The following ARHGAP39 variants were observed in gnomAD, a reference collection of about 807,000 sequenced individuals.
ARHGAP39 encodes Rho GTPase activating protein 39.
In ARHGAP39, 44 loss-of-function variants were observed where a neutral mutation model predicts 106.9. The observed-to-expected ratio is 0.41, with a 90% CI of 0.32 to 0.53. ARHGAP39 has a LOEUF of 0.53. ARHGAP39 is among the 20% of genes least tolerant of loss of function. The pLI is 0.21. For synonymous variants in ARHGAP39, 768 were observed against 693.2 expected, an observed-to-expected ratio of 1.11 and a Z score of -1.69; for missense variants, 1,496 against 1,577.3, an observed-to-expected ratio of 0.95 and a Z score of 0.87.
At position 144,633,373 on chromosome 8, in the gene ARHGAP39, C is replaced by T. The variant is rs549093821; in HGVS notation, c.-81-27678G>A. Among the ~76,000 whole-genome samples, 6 of 151,958 alleles carry T rather than the reference C, an allele frequency of 3.9e-5. No individual in the cohort carries two copies. The East Asian group carries it at 7.8e-4, about 20-fold the overall frequency. On this transcript the variant is annotated intron_variant, in intron 1 of 11. Transcript: ENST00000377307. ...ACTTGGGAGGCTGAGGCAGGAGAAT[C>T]GCTTGAACCTGGGAGGCAGAGATTG...
chr8:144,546,630 C>T (rs1216761258), intron 5 of ARHGAP39, among the ~76,000 whole-genome samples: 1 of 152,224 alleles, frequency 6.6e-6, no homozygotes, highest in Non-Finnish European at 1.5e-5. Context: ...AGATGGGGAA[C>T]GTGCCAGAGG....
chr8:144,603,025 C>T (rs1378343723), intron 2 of ARHGAP39, among the ~76,000 whole-genome samples: 1 of 109,466 alleles, frequency 9.1e-6, no homozygotes, highest in Non-Finnish European at 1.7e-5. Context: ...GCTCATGTAT[C>T]TGTGTGCGTG....
chr8:144,682,275 C>T (rs1485247660), intron 1 of ARHGAP39, among the ~76,000 whole-genome samples: 27 of 100,282 alleles, frequency 2.7e-4, no homozygotes, highest in Admixed American at 3.3e-4. Flanking sequence ...AAAGGCCGGG[C>T]GCGGTGGCTC....
intron 1 of ARHGAP39, among the ~76,000 whole-genome samples, chr8:144,621,018 C>T (rs73377673): frequency 0.014 from 2,121 of 152,398 alleles, 18 homozygotes; most frequent in African/African-American, 0.026. Context: ...GCAGGAGGCA[C>T]ATGGTTGGAG....
At chr8:144,593,185 A>G (rs1412643041) in intron 2 of ARHGAP39, among the ~76,000 whole-genome samples, 1 of 152,176 alleles carries the variant, frequency 6.6e-6, no homozygotes, top group Non-Finnish European at 1.5e-5. Flanking sequence ...CTGTTTGCAC[A>G]CAGCGATCAG....
In ARHGAP39 at chr8:144,547,244, G is replaced by A. The variant is rs755091374; in HGVS notation, c.1842C>T (p.Asn614=). 6.2e-6 allele frequency: 10 copies of A among 1,612,654 alleles called. No individual in the cohort carries two copies. Among genetic ancestry groups the A allele is most frequent in the Non-Finnish European group, 8.5e-6 (10 of 1,179,814 alleles). Residue 614 remains asparagine (N), a synonymous_variant, in exon 5 of 12, where the codon AAC becomes AAT. Coordinates refer to ENST00000377307, the MANE Select transcript of ARHGAP39 (RefSeq NM_025251.3). The surrounding 1 kb of genome is among the most constrained non-coding windows in gnomAD (Gnocchi z 5.2). ...SEDEALAQQE[N]RHWRRGTFEK... ...CGAAGGTGCCCCTCCTCCAGTGCCT[G>A]TTCTCCTGCTGGGCCAGCGCCTCGT...
At chr8:144,559,257 T>C (rs1410057953) in intron 3 of ARHGAP39, among the ~76,000 whole-genome samples, 1 of 146,718 alleles carries the variant, frequency 6.8e-6, no homozygotes, top group African/African-American at 2.5e-5. Flanking sequence ...GACACATGCC[T>C]GTGGTCACAG....
At chr8:144,602,744 G>A (rs1482681868) in intron 2 of ARHGAP39, among the ~76,000 whole-genome samples, 3 of 145,770 alleles carry the variant, frequency 2.1e-5, no homozygotes, top group South Asian at 2.2e-4. Context: ...GTGCATGGAG[G>A]CGTGTGTGTG....
rs761023955 is a variant in ARHGAP39, at chr8:144,581,265, C to T, written c.93G>A (p.Val31=). ...CGCGGGTGCGCGGTTCGATGATCTC[C>T]ACCCACTCCAACCTGGGGAGAGACA... ...IPGSNTRLEW[V]EIIEPRTRER... The change falls in exon 3 of 12, where the codon GTG becomes GTA. Residue 31 remains valine, a synonymous_variant. Transcript: ENST00000377307. 6.5e-7 allele frequency: 1 copy of T among 1,548,040 alleles called. No individual in the cohort carries two copies. The highest frequency in any genetic ancestry group is 1.4e-5 in the African/African-American group (1 of 73,200).
At chr8:144,589,764 C>T (rs530439420) in intron 2 of ARHGAP39, among the ~76,000 whole-genome samples, 1 of 152,220 alleles carries the variant, frequency 6.6e-6, no homozygotes. Context: ...AGGCCTCCCA[C>T]GACTCTGCCT....
At chr8:144,678,672 T>C (rs2129755369) in intron 1 of ARHGAP39, among the ~76,000 whole-genome samples, 1 of 152,322 alleles carries the variant, frequency 6.6e-6, no homozygotes, top group East Asian at 1.9e-4. Flanking sequence ...CCTGGCGCCA[T>C]CCTGTGCACT....
chr8:144,543,647 C>T (rs749412408), intron 6 of ARHGAP39, among the ~76,000 whole-genome samples: 4 of 152,232 alleles, frequency 2.6e-5, no homozygotes, highest in Non-Finnish European at 5.9e-5. Context: ...AGCCTGATTC[C>T]TTTTTCCATG....
chr8:144,668,971 A>G (rs1268163940), intron 1 of ARHGAP39, among the ~76,000 whole-genome samples: 1 of 152,102 alleles, frequency 6.6e-6, no homozygotes, highest in African/African-American at 2.4e-5. Context: ...GGACAGATAC[A>G]CAGGACAACA....
upstream of ARHGAP39, among the ~76,000 whole-genome samples, chr8:144,686,636 G>A (rs886400469): frequency 2.0e-5 from 3 of 152,188 alleles, no homozygotes; most frequent in African/African-American, 7.2e-5. Flanking sequence ...CAGTCGCCTT[G>A]CAGGGACTCT....
Position 144,550,820 on chromosome 8 carries a change from G to A in ARHGAP39, c.597-2331C>T, listed in dbSNP as rs548254644. On this transcript the variant is annotated intron_variant, in intron 4 of 11. Transcript: ENST00000377307. ...ATCAAACCCTGAGGGCCAGCTGTGG[G>A]GTCAACCCCTCCATGGCCTGGGGAC... 4.6e-5 allele frequency among the ~76,000 whole-genome samples: 7 copies of A among 152,366 alleles called. No individual in the cohort carries two copies. In the East Asian group the frequency reaches 1.2e-3, roughly 25 times the overall value.
chr8:144,552,043 C>CT (rs1817713117), intron 4 of ARHGAP39, among the ~76,000 whole-genome samples: 1 of 152,368 alleles, frequency 6.6e-6, no homozygotes, highest in African/African-American at 2.4e-5. Context: ...GAGAGACCAT[C>CT]TCCCCCATCT....
rs539996778 is a variant in ARHGAP39 at position 144,671,028 on chromosome 8, G to C, written c.-82+14658C>G. Among the ~76,000 whole-genome samples the C allele has an allele frequency of 2.6e-5, 4 of 152,286 alleles. No individual in the cohort carries two copies. Among genetic ancestry groups the C allele is most frequent in the Non-Finnish European group, 1.5e-5 (1 of 68,016 alleles). On this transcript the variant is annotated intron_variant, in intron 1 of 11. Coordinates refer to ENST00000377307, the MANE Select transcript of ARHGAP39 (RefSeq NM_025251.3). The surrounding 1 kb of genome is among the most constrained non-coding windows in gnomAD (Gnocchi z 4.5). ...CATGTGCTCACACTCAGGACACACA[G>C]TGCTGCCAAGCCTCAGGGCCGCCAA...
intron 1 of ARHGAP39, among the ~76,000 whole-genome samples, chr8:144,629,781 G>A (rs1196774626): frequency 3.9e-5 from 6 of 152,134 alleles, no homozygotes; most frequent in East Asian, 3.9e-4. Flanking sequence ...GGAGGAGGGC[G>A]CTGGGTGGTG....
chr8:144,568,017 G>A (rs893547569), intron 3 of ARHGAP39, among the ~76,000 whole-genome samples: 13 of 151,918 alleles, frequency 8.6e-5, no homozygotes, highest in African/African-American at 2.4e-4. Flanking sequence ...TCTCGTCTCC[G>A]CACATGGGGA....
Sources: gnomAD v4.1 joint callset for allele counts (sites outside exome capture counted in the v4.1 genomes callset) on GRCh38, gnomAD v4.1.1 for gene constraint, Gnocchi (gnomAD v3.1) non-coding constraint, MANE v1.5 for transcripts, NCBI Gene and HGNC (gene_info 2026-07-23, HGNC 2026-07-21) for gene names.